Variants in NCAM1 observed in about 807,000 individuals in gnomAD.
NCAM1 encodes antigen recognized by monoclonal antibody 5.1H11.
Under a neutral mutation model 109.8 loss-of-function variants are expected in NCAM1, and 14 were observed. The ratio of observed to expected loss-of-function variants is 0.13; its 90% CI spans 0.08 to 0.20. The LOEUF (loss-of-function observed/expected upper bound fraction) is 0.20. Among genes scored for constraint, NCAM1 ranks in the 10% least tolerant of loss-of-function variants. The pLI is 1.00. For synonymous variants in NCAM1, 418 were observed against 442.9 expected (o/e 0.94, Z 0.70); for missense variants, 774 against 1,109.9 (o/e 0.70, Z 4.30).
chr11:113,165,853 C>A (rs1942777327), intron 1 of NCAM1, among the ~76,000 whole-genome samples: 1 of 151,092 alleles, frequency 6.6e-6, no homozygotes, highest in Non-Finnish European at 1.5e-5. Context: ...CGCTCTGTCA[C>A]CCAGGCTGGA....
At chr11:113,030,377 G>T (rs1391510801) in intron 1 of NCAM1, among the ~76,000 whole-genome samples, 1 of 152,134 alleles carries the variant, frequency 6.6e-6, no homozygotes, top group Non-Finnish European at 1.5e-5. Flanking sequence ...GTATATATTG[G>T]AAGTTCTCTC....
chr11:113,090,446 G>T (rs1939289516), intron 1 of NCAM1, among the ~76,000 whole-genome samples: 1 of 152,204 alleles, frequency 6.6e-6, no homozygotes, highest in Non-Finnish European at 1.5e-5. Flanking sequence ...GACATAATTT[G>T]TAGTGAAATG....
intron 1 of NCAM1, among the ~76,000 whole-genome samples, chr11:113,038,617 G>T (rs1952969327): frequency 6.6e-6 from 1 of 152,222 alleles, no homozygotes. Context: ...GTGATGGGTA[G>T]TTGAAGACAT....
At chr11:113,063,267 C>T (rs1486372332) in intron 1 of NCAM1, among the ~76,000 whole-genome samples, 2 of 152,208 alleles carry the variant, frequency 1.3e-5, no homozygotes, top group South Asian at 2.1e-4. Flanking sequence ...ATAGCACTTT[C>T]CTGAGATTCA....
Position 113,093,450 on chromosome 11 carries a change from G to A in NCAM1, c.53-108929G>A, listed in dbSNP as rs1211058264. 5.3e-5 allele frequency among the ~76,000 whole-genome samples: 8 copies of A among 151,976 alleles called. No homozygotes were observed. In the East Asian group the frequency reaches 9.6e-4, roughly 18 times the overall value. ...TTTTTTTTTCATTTTATTCTCAAAC[G>A]TAGTTCACATCCTGGTCTTCCTCCT... On this transcript the variant is annotated intron_variant, in intron 1 of 19. Transcript: ENST00000316851.
At chr11:113,251,705 G>A (rs782609837) in intron 15 of NCAM1, among the ~76,000 whole-genome samples, 38 of 152,166 alleles carry the variant, frequency 2.5e-4, no homozygotes, top group African/African-American at 2.7e-4. Context: ...GCAACCTGCC[G>A]ATTGCTGCTG....
intron 1 of NCAM1, among the ~76,000 whole-genome samples, chr11:113,196,297 T>C (rs988795276): frequency 9.2e-5 from 14 of 152,166 alleles, no homozygotes; most frequent in Non-Finnish European, 1.8e-4. Context: ...GAGCCCCCCA[T>C]GTTATGATGT....
rs527850562 is a variant in NCAM1, at chr11:113,247,507, G to A, written c.1828+1137G>A. ...CTTGTGTTTCGTTCTCCTCCTGTGTGTTAGCCCTGTGTACCTTCCCTCTCG... is the reference window on the plus strand; with the variant it reads ...CTTGTGTTTCGTTCTCCTCCTGTGTATTAGCCCTGTGTACCTTCCCTCTCG... On this transcript the variant is annotated intron_variant, in intron 15 of 19. Transcript: ENST00000316851. Among the ~76,000 whole-genome samples the A allele has an allele frequency of 6.6e-5, 10 of 152,220 alleles. No homozygotes were observed. In the South Asian group the frequency reaches 1.9e-3, roughly 28 times the overall value.
In NCAM1 at chr11:113,175,727, A is replaced by G. The variant is rs144439311; in HGVS notation, c.53-26652A>G. Among the ~76,000 whole-genome samples the G allele has an allele frequency of 1.8e-4, 27 of 152,108 alleles. 1 individual carries two copies. Among genetic ancestry groups the G allele is most frequent in the African/African-American group, 6.5e-4 (27 of 41,502 alleles). Reference sequence around the variant, plus strand: ...ACCATTGTGGAAAAACATCAATCATACTCCCCACGTATCTGAACATATTTA... The same window carrying G: ...ACCATTGTGGAAAAACATCAATCATGCTCCCCACGTATCTGAACATATTTA... On this transcript the variant is annotated intron_variant, in intron 1 of 19. Transcript: ENST00000316851.
intron 1 of NCAM1, among the ~76,000 whole-genome samples, chr11:113,005,301 G>A (rs1951865041): frequency 6.6e-6 from 1 of 152,184 alleles, no homozygotes; most frequent in African/African-American, 2.4e-5. Context: ...ATACCAAAAA[G>A]CCACAGAGAC....
intron 1 of NCAM1, among the ~76,000 whole-genome samples, chr11:113,073,836 T>G (rs1555085686): frequency 6.6e-6 from 1 of 152,162 alleles, no homozygotes; most frequent in African/African-American, 2.4e-5. Flanking sequence ...ATTTGCAACC[T>G]CTGTGCAAAG....
intron 1 of NCAM1, among the ~76,000 whole-genome samples, chr11:113,118,197 A>G (rs868966850): frequency 4.0e-4 from 61 of 151,802 alleles, no homozygotes; most frequent in African/African-American, 1.4e-3. Flanking sequence ...TAGAATCTAA[A>G]AATAAGATGT....
chr11:113,199,040 G>A (rs1943946773), intron 1 of NCAM1, among the ~76,000 whole-genome samples: 1 of 152,164 alleles, frequency 6.6e-6, no homozygotes, highest in Non-Finnish European at 1.5e-5. Context: ...TGTTGGAAGC[G>A]CCTCTTGTCC....
intron 1 of NCAM1, among the ~76,000 whole-genome samples, chr11:113,009,285 C>G (rs1231643480): frequency 7.4e-6 from 1 of 135,036 alleles, no homozygotes; most frequent in Non-Finnish European, 1.6e-5. Flanking sequence ...CTCCATTGGG[C>G]TGATTTAATT....
At position 113,264,226 on chromosome 11, in the gene NCAM1, GTTTC is replaced by G. The variant is rs549571454; in HGVS notation, c.2131+3907_2131+3910del. 3.0e-4 allele frequency: 299 copies of G among 984,872 alleles called. 1 individual carries two copies. The African/African-American group carries it at 4.6e-3, about 15-fold the overall frequency. The allele number at this position is 984,872 out of a possible 1,614,324, so 61.0% of individuals were successfully genotyped here. A position where few individuals can be genotyped will look rare whatever the true frequency, so the allele number is the denominator to read the frequency against. On this transcript the variant is annotated intron_variant, in intron 17 of 19. Coordinates refer to ENST00000316851, the MANE Select transcript of NCAM1 (RefSeq NM_181351.5). ...GGAAGCTTGATTTTTGTTCTTTTTG[GTTTC>G]TTTATGTATTTTTTTCTGTTGTTAT...
At chr11:113,158,341 C>T (rs952318864) in intron 1 of NCAM1, among the ~76,000 whole-genome samples, 3 of 152,148 alleles carry the variant, frequency 2.0e-5, no homozygotes, top group African/African-American at 7.2e-5. Flanking sequence ...CTTTGTTTCT[C>T]TGTCAGTAGT....
chr11:112,981,759 T>C (rs1183371693), intron 1 of NCAM1, among the ~76,000 whole-genome samples: 2 of 151,924 alleles, frequency 1.3e-5, no homozygotes, highest in Non-Finnish European at 2.9e-5. Flanking sequence ...TCTTTGAAAG[T>C]TCATCTCATT....
At chr11:113,259,333 G>A (rs1202283457) in intron 16 of NCAM1, among the ~76,000 whole-genome samples, 1 of 152,146 alleles carries the variant, frequency 6.6e-6, no homozygotes, top group Non-Finnish European at 1.5e-5. Flanking sequence ...TTACAGGCGT[G>A]AGCCACCGCG....
chr11:113,074,499 C>G (rs1555085778), intron 1 of NCAM1, among the ~76,000 whole-genome samples: 1 of 152,154 alleles, frequency 6.6e-6, no homozygotes, highest in Non-Finnish European at 1.5e-5. Flanking sequence ...CAGCCCTGTC[C>G]AAATAGCACT....
Sources: gnomAD v4.1 joint callset for allele counts (sites outside exome capture counted in the v4.1 genomes callset) on GRCh38, gnomAD v4.1.1 for gene constraint, MANE v1.5 for transcripts, NCBI Gene and HGNC (gene_info 2026-07-23, HGNC 2026-07-21) for gene names.